PHKA1: variants seen among roughly 807,000 people sequenced by gnomAD.
The protein encoded by PHKA1 is phosphorylase b kinase regulatory subunit alpha, skeletal muscle isoform.
A neutral mutation model predicts 110.2 loss-of-function variants in PHKA1; 60 were observed. That is an observed-to-expected ratio of 0.54 (90% CI 0.44 to 0.68). The LOEUF (loss-of-function observed/expected upper bound fraction) is 0.68, where lower values mean the gene tolerates loss of function less well. PHKA1 is among the 30% of genes least tolerant of loss of function. The pLI is 0.00. For synonymous variants in PHKA1, 316 were observed against 333.6 expected, an observed-to-expected ratio of 0.95 and a Z score of 0.58; for missense variants, 801 against 942.5, an observed-to-expected ratio of 0.85 and a Z score of 1.97.
chrX:72,658,477 A>T (rs1556302519), intron 8 of PHKA1, among the ~76,000 whole-genome samples: 1 of 109,004 alleles, frequency 9.2e-6, no homozygotes, highest in East Asian at 2.9e-4. Flanking sequence ...AAAAAAAAAA[A>T]ACTTTGGTAC....
intron 5 of PHKA1, among the ~76,000 whole-genome samples, chrX:72,682,533 T>C (rs1556316766): frequency 9.2e-6 from 1 of 108,244 alleles, no homozygotes. Context: ...GCCGTGTCTG[T>C]GTGGAGAGAA....
intron 21 of PHKA1, among the ~76,000 whole-genome samples, chrX:72,614,177 A>T (rs1426772957): frequency 8.9e-6 from 1 of 111,888 alleles, no homozygotes; most frequent in Non-Finnish European, 1.9e-5. Context: ...AGAAATAAAC[A>T]CTGAATTATT....
intron 29 of PHKA1, among the ~76,000 whole-genome samples, chrX:72,586,880 C>CA (rs1261647747): frequency 9.1e-6 from 1 of 109,421 alleles, no homozygotes; most frequent in Non-Finnish European, 1.9e-5. Flanking sequence ...GAAGTGTAGA[C>CA]AAAAAAGGGT....
intron 29 of PHKA1, among the ~76,000 whole-genome samples, chrX:72,592,512 C>A (rs1556226939): frequency 8.9e-6 from 1 of 112,615 alleles, no homozygotes; most frequent in Non-Finnish European, 1.9e-5. Flanking sequence ...CCTTAAATTT[C>A]TTTGGCCAAA....
intron 3 of PHKA1, 46 bp downstream of exon 3, chrX:72,705,152 T>C (rs782561523): frequency 4.3e-6 from 4 of 930,401 alleles, no homozygotes; most frequent in Non-Finnish European, 6.2e-6. Flanking sequence ...AGAGATACTA[T>C]TACAATGTGC....
At chrX:72,684,407 A>G in intron 5 of PHKA1, 91 bp downstream of exon 5, 1 of 605,001 alleles carries the variant, frequency 1.7e-6, no homozygotes, top group Non-Finnish European at 2.8e-6. Flanking sequence ...GTTCACTATG[A>G]GCAGTAGCAT....
At chrX:72,602,558 T>C (rs782153512) in intron 26 of PHKA1, among the ~76,000 whole-genome samples, 1 of 111,049 alleles carries the variant, frequency 9.0e-6, no homozygotes, top group South Asian at 3.8e-4. Context: ...TTTACCACTC[T>C]AAGGTCTGAC....
intron 25 of PHKA1, among the ~76,000 whole-genome samples, chrX:72,603,472 C>A (rs782609490): frequency 1.8e-5 from 2 of 111,407 alleles, no homozygotes; most frequent in Non-Finnish European, 3.8e-5. Flanking sequence ...GCTTCCAGAC[C>A]ATTAGGGTAC....
chrX:72,686,397 A>G (rs1294794435), intron 4 of PHKA1, among the ~76,000 whole-genome samples: 1 of 112,266 alleles, frequency 8.9e-6, no homozygotes, highest in Non-Finnish European at 1.9e-5. Flanking sequence ...AAAGGGTAGT[A>G]CTGTATATTA....
At chrX:72,665,214 T>G (rs2053604566) in intron 8 of PHKA1, among the ~76,000 whole-genome samples, 1 of 111,468 alleles carries the variant, frequency 9.0e-6, no homozygotes, top group African/African-American at 3.3e-5. Context: ...AGAGACATTA[T>G]AACCGATACC....
intron 29 of PHKA1, among the ~76,000 whole-genome samples, chrX:72,589,980 A>G (rs2052494089): frequency 9.0e-6 from 1 of 111,634 alleles, no homozygotes; most frequent in East Asian, 2.8e-4. Context: ...AACCAATATC[A>G]TGAAAATGGC....
intron 13 of PHKA1, among the ~76,000 whole-genome samples, chrX:72,648,808 GA>G (rs2053392170): frequency 8.9e-6 from 1 of 112,279 alleles, no homozygotes; most frequent in South Asian, 3.7e-4. Flanking sequence ...TCACAGAGTA[GA>G]ATATTGGAAT....
At chrX:72,599,745 T>A (rs967074348) in intron 28 of PHKA1, 5 of 460,667 alleles carry the variant, frequency 1.1e-5, no homozygotes, top group Non-Finnish European at 1.9e-5. Flanking sequence ...AACCAGTATA[T>A]GTCATGATTT....
At chrX:72,660,475 C>A in intron 8 of PHKA1, 1 of 305,218 alleles carries the variant, frequency 3.3e-6, no homozygotes, top group African/African-American at 2.8e-5. Flanking sequence ...ATGCAGATGG[C>A]CAAAGTGATG....
chrX:72,611,636 G>A (rs2052810871), intron 21 of PHKA1, among the ~76,000 whole-genome samples: 1 of 111,852 alleles, frequency 8.9e-6, no homozygotes. Flanking sequence ...AATACTGCTG[G>A]CAAAACAAAT....
intron 13 of PHKA1, among the ~76,000 whole-genome samples, chrX:72,645,964 G>A (rs1556297034): frequency 8.9e-6 from 1 of 111,893 alleles, no homozygotes; most frequent in Admixed American, 9.5e-5. Context: ...AGAAACAAGG[G>A]ATTAGGAAGG....
chrX:72,622,966 A>G, intron 18 of PHKA1, 143 bp downstream of exon 18: 1 of 1,110,746 alleles, frequency 9.0e-7, no homozygotes, highest in South Asian at 2.4e-5. Flanking sequence ...AGAGGGAGGA[A>G]AAGTAAAGCC....
intron 3 of PHKA1, 118 bp from the exon 4 acceptor site, chrX:72,695,994 T>C (rs1463984560): frequency 4.9e-6 from 3 of 607,048 alleles, no homozygotes; most frequent in Non-Finnish European, 8.4e-6. Context: ...CTTCAGGCAA[T>C]TGTGAATATT....
intron 21 of PHKA1, 37 bp downstream of exon 21, chrX:72,618,673 T>A (rs781821213): frequency 9.2e-7 from 1 of 1,091,128 alleles, no homozygotes; most frequent in Non-Finnish European, 1.3e-6. Flanking sequence ...CCTCTGATTA[T>A]GAACATTAAA....
Sources: gnomAD v4.1 joint callset for allele counts (sites outside exome capture counted in the v4.1 genomes callset) on GRCh38, gnomAD v4.1.1 for gene constraint, MANE v1.5 for transcripts, NCBI Gene and HGNC (gene_info 2026-07-23, HGNC 2026-07-21) for gene names.